The following CSRP1 variants were observed in gnomAD, a reference collection of about 807,000 sequenced individuals.
CSRP1 encodes the protein cysteine and glycine rich protein 1, also known as cysteine and glycine-rich protein 1.
In CSRP1, 16 loss-of-function variants were observed where a neutral mutation model predicts 25.4. The observed-to-expected ratio is 0.63, with a 90% confidence interval of 0.43 to 0.96. The LOEUF (loss-of-function observed/expected upper bound fraction) is 0.96. Among genes scored for constraint, CSRP1 ranks in the 40% least tolerant of loss-of-function variants. The pLI, the probability that CSRP1 is intolerant of heterozygous loss-of-function variation, is 0.00. For missense variants in CSRP1, 212 were observed against 243.6 expected (o/e 0.87, Z 0.86); for synonymous variants, 97 against 95.3 (o/e 1.02, Z -0.10).
intron 5 of CSRP1, among the ~76,000 whole-genome samples, chr1:201,485,080 C>T (rs1664091834): frequency 6.6e-6 from 1 of 152,010 alleles, no homozygotes; most frequent in Non-Finnish European, 1.5e-5. Context: ...CCTATGCCTG[C>T]CTCAATTTGC....
chr1:201,492,896 T>C (rs776771556), intron 2 of CSRP1: 1 of 152,344 alleles, frequency 6.6e-6, no homozygotes, highest in Non-Finnish European at 1.5e-5. Context: ...GAGGAGACGC[T>C]GGTGTCAGAA....
At chr1:201,502,425 G>A (rs913350244) in intron 1 of CSRP1, among the ~76,000 whole-genome samples, 1 of 152,200 alleles carries the variant, frequency 6.6e-6, no homozygotes, top group African/African-American at 2.4e-5. Flanking sequence ...GGAGGGGGCT[G>A]GGCTGGTCAG....
chr1:201,488,741 C>T, intron 4 of CSRP1, 114 bp downstream of exon 4: 1 of 1,284,126 alleles, frequency 7.8e-7, no homozygotes, highest in Non-Finnish European at 1.1e-6. Context: ...AGAGGTTAAA[C>T]CCCAGTGCTC....
intron 3 of CSRP1, 100 bp from the exon 4 acceptor site, chr1:201,489,084 A>C (rs1415969271): frequency 6.7e-7 from 1 of 1,499,764 alleles, no homozygotes; most frequent in Non-Finnish European, 9.1e-7. Flanking sequence ...ATGCCAGAGC[A>C]GCGCGCAATT....
intron 4 of CSRP1, chr1:201,486,822 C>T (rs1437048798): frequency 8.7e-7 from 1 of 1,151,578 alleles, no homozygotes; most frequent in East Asian, 7.2e-5. Context: ...TTATCCTACT[C>T]CTTAGTACAG....
At chr1:201,494,409 C>A (rs1317532945) in intron 2 of CSRP1, among the ~76,000 whole-genome samples, 1 of 152,198 alleles carries the variant, frequency 6.6e-6, no homozygotes, top group Non-Finnish European at 1.5e-5. Flanking sequence ...AGATAAACGG[C>A]TTGGAAATTC....
intron 2 of CSRP1, among the ~76,000 whole-genome samples, chr1:201,493,282 C>T (rs1664400959): frequency 6.6e-6 from 1 of 152,220 alleles, no homozygotes; most frequent in South Asian, 2.1e-4. Context: ...TGTCTTCCTC[C>T]CGCCCATTCA....
chr1:201,496,298 C>T lies in CSRP1; in HGVS notation c.6G>A (p.Pro2=), dbSNP rs754308439. 1.3e-5 allele frequency: 21 copies of T among 1,613,070 alleles called. No individual in the cohort carries two copies. Among genetic ancestry groups the T allele is most frequent in the African/African-American group, 5.3e-5 (4 of 74,892 alleles). ...CACATTTCTTGCCTCCTCCCCAGTT[C>T]GGCATTCTGAAAAGGGACACAGAAA... M[P]NWGGGKKCGV... The change falls in exon 2 of 6, where the codon CCG becomes CCA. Residue 2 remains proline, a synonymous_variant. Transcript: ENST00000340006.
chr1:201,486,220 G>C (rs187699762), intron 4 of CSRP1: 3 of 361,584 alleles, frequency 8.3e-6, no homozygotes, highest in Non-Finnish European at 1.2e-5. Flanking sequence ...GCAAACAGCT[G>C]TCCCAGAAAA....
At chr1:201,486,269 G>T in intron 4 of CSRP1, 1 of 865,684 alleles carries the variant, frequency 1.2e-6, no homozygotes, top group Non-Finnish European at 1.4e-6. Flanking sequence ...ATGGGACGTT[G>T]CACAGACAGA....
At chr1:201,493,649 G>C (rs559195382) in intron 2 of CSRP1, among the ~76,000 whole-genome samples, 1 of 152,302 alleles carries the variant, frequency 6.6e-6, no homozygotes, top group East Asian at 1.9e-4. Context: ...CATGTAGGTG[G>C]GCAAGCTGAG....
chr1:201,487,037 A>C (rs1338938815), intron 4 of CSRP1: 3 of 1,257,138 alleles, frequency 2.4e-6, no homozygotes, highest in Admixed American at 4.6e-5. Context: ...CAACAATAAT[A>C]ATAACAATAG....
chr1:201,496,397 G>T, intron 1 of CSRP1, 93 bp from the exon 2 acceptor site: 1 of 1,101,290 alleles, frequency 9.1e-7, no homozygotes, highest in Non-Finnish European at 1.4e-6. Flanking sequence ...CAGATCCAGA[G>T]GAGAGAAAGA....
At chr1:201,503,482 AG>A (rs1395693863) in intron 1 of CSRP1, among the ~76,000 whole-genome samples, 1 of 152,164 alleles carries the variant, frequency 6.6e-6, no homozygotes, top group South Asian at 2.1e-4. Context: ...AGTCGGGGGT[AG>A]GGGGTGCTGG....
At chr1:201,493,594 C>T (rs1467280240) in intron 2 of CSRP1, among the ~76,000 whole-genome samples, 7 of 152,202 alleles carry the variant, frequency 4.6e-5, no homozygotes, top group Non-Finnish European at 7.3e-5. Context: ...ATTACCCAGT[C>T]TCAGGTATGT....
intron 2 of CSRP1, among the ~76,000 whole-genome samples, chr1:201,494,065 G>A (rs1437060259): frequency 6.6e-6 from 1 of 151,968 alleles, no homozygotes; most frequent in Non-Finnish European, 1.5e-5. Flanking sequence ...GCTTCCTGCG[G>A]CTGCTCATTG....
In CSRP1 at chr1:201,483,915, G is replaced by A; in HGVS notation, c.*798C>T. On this transcript the variant is annotated 3_prime_UTR_variant, in exon 6 of 6. Transcript: ENST00000340006. Reference sequence around the variant, plus strand: ...TGGGCTCTGCTGGCCGCAGCCTCAGGAGCCAGGGTTAAGGCCAGAGATAAA... The same window carrying A: ...TGGGCTCTGCTGGCCGCAGCCTCAGAAGCCAGGGTTAAGGCCAGAGATAAA... 2 of 655,406 alleles carry A rather than the reference G, an allele frequency of 3.1e-6. No individual in the cohort carries two copies. The highest frequency in any genetic ancestry group is 5.7e-6 in the Non-Finnish European group (2 of 349,886). The allele number at this position is 655,406 out of a possible 1,614,324, so 40.6% of individuals were successfully genotyped here.
intron 2 of CSRP1, among the ~76,000 whole-genome samples, chr1:201,493,938 G>A (rs1557973846): frequency 6.6e-6 from 1 of 152,230 alleles, no homozygotes; most frequent in Non-Finnish European, 1.5e-5. Context: ...CATGATGAAT[G>A]AGCAAGTTGT....
At chr1:201,487,128 G>T in intron 4 of CSRP1, 1 of 571,216 alleles carries the variant, frequency 1.8e-6, no homozygotes, top group African/African-American at 2.0e-5. Context: ...AAACTGCCTT[G>T]TTGTTGGGTG....
Sources: allele counts gnomAD v4.1 joint callset (sites outside exome capture counted in the v4.1 genomes callset), GRCh38; gene constraint gnomAD v4.1.1; transcripts MANE v1.5; gene names NCBI Gene and HGNC (gene_info 2026-07-23, HGNC 2026-07-21).